ARHGAP26: variants seen among roughly 807,000 people sequenced by gnomAD.
The protein encoded by ARHGAP26 is rho GTPase-activating protein 26.
Under a neutral mutation model 104.8 loss-of-function variants are expected in ARHGAP26, and 38 were observed. That is an observed-to-expected ratio of 0.36 (90% CI 0.28 to 0.48). The LOEUF (loss-of-function observed/expected upper bound fraction) is 0.48. ARHGAP26 is among the 20% of genes least tolerant of loss of function. ARHGAP26 has a pLI of 0.99. For synonymous variants in ARHGAP26, 341 were observed against 340.0 expected (o/e 1.00, Z -0.03); for missense variants, 704 against 947.9 (o/e 0.74, Z 3.38).
chr5:143,045,874 C>T (rs1784154163), intron 14 of ARHGAP26, among the ~76,000 whole-genome samples: 1 of 152,166 alleles, frequency 6.6e-6, no homozygotes, highest in African/African-American at 2.4e-5. Context: ...TGGCTCACAC[C>T]TGTAATCCCA....
At chr5:142,861,956 T>C (rs1753432442) in intron 1 of ARHGAP26, among the ~76,000 whole-genome samples, 1 of 152,208 alleles carries the variant, frequency 6.6e-6, no homozygotes, top group Non-Finnish European at 1.5e-5. Flanking sequence ...TAGCTGTTGG[T>C]AGGAACAGTG....
intron 1 of ARHGAP26, among the ~76,000 whole-genome samples, chr5:142,856,381 C>G (rs191256334): frequency 6.6e-6 from 1 of 152,312 alleles, no homozygotes; most frequent in African/African-American, 2.4e-5. Context: ...CTTGGAAGAT[C>G]GCTGTTTGGC....
At chr5:143,087,234 G>A (rs141741560) in intron 17 of ARHGAP26, among the ~76,000 whole-genome samples, 1 of 152,326 alleles carries the variant, frequency 6.6e-6, no homozygotes, top group East Asian at 1.9e-4. Context: ...TTAAGGTGTT[G>A]TAAGCCTCCC....
chr5:142,914,709 G>T (rs576735236), intron 10 of ARHGAP26, among the ~76,000 whole-genome samples: 1 of 152,294 alleles, frequency 6.6e-6, no homozygotes, highest in South Asian at 2.1e-4. Context: ...GGGGTCGGAG[G>T]ATAGCTTGAA....
At chr5:142,778,668 G>T (rs1756855121) in intron 1 of ARHGAP26, among the ~76,000 whole-genome samples, 1 of 152,202 alleles carries the variant, frequency 6.6e-6, no homozygotes, top group Non-Finnish European at 1.5e-5. Flanking sequence ...AAGGCGTGCT[G>T]CAGTGATTAT....
At chr5:143,189,515 G>A (rs578106717) in intron 20 of ARHGAP26, among the ~76,000 whole-genome samples, 1 of 152,118 alleles carries the variant, frequency 6.6e-6, no homozygotes, top group African/African-American at 2.4e-5. Flanking sequence ...ATCTTCTTTG[G>A]TTGTTTACGA....
At chr5:142,862,484 A>T (rs1345845553) in intron 1 of ARHGAP26, among the ~76,000 whole-genome samples, 1 of 152,232 alleles carries the variant, frequency 6.6e-6, no homozygotes, top group African/African-American at 2.4e-5. Flanking sequence ...ATATTTCTGC[A>T]GACTTTTCTG....
intron 11 of ARHGAP26, among the ~76,000 whole-genome samples, chr5:142,999,685 C>T (rs1776921749): frequency 6.6e-6 from 1 of 151,906 alleles, no homozygotes; most frequent in Non-Finnish European, 1.5e-5. Context: ...CAGAAGAAAA[C>T]ATAGGACAAA....
At position 142,792,968 on chromosome 5, in the gene ARHGAP26, G is replaced by A. The variant is rs376293738; in HGVS notation, c.154+22053G>A. Among the ~76,000 whole-genome samples, 5 of 152,356 alleles carry A rather than the reference G, an allele frequency of 3.3e-5. No individual in the cohort carries two copies. In the East Asian group the frequency reaches 5.8e-4, roughly 18 times the overall value. ...AACTGATGTTCATCGAAGGCAGAAA[G>A]GTTGGAGGAACTTTGGCCAGTGTGG... On this transcript the variant is annotated intron_variant, in intron 1 of 22. Coordinates refer to ENST00000645722, the MANE Select transcript of ARHGAP26 (RefSeq NM_001135608.3).
chr5:142,793,274 T>TTA (rs796096753), intron 1 of ARHGAP26, among the ~76,000 whole-genome samples: 7 of 147,332 alleles, frequency 4.8e-5, no homozygotes, highest in African/African-American at 1.5e-4. Context: ...TTTTTTTTTT[T>TTA]AATCTATCTT....
At chr5:142,773,962 A>G (rs1237258385) in intron 1 of ARHGAP26, among the ~76,000 whole-genome samples, 1 of 152,220 alleles carries the variant, frequency 6.6e-6, no homozygotes, top group Non-Finnish European at 1.5e-5. Flanking sequence ...GTTAGAATTA[A>G]ACGTGGGCAT....
chr5:143,171,600 T>G (rs897705097), intron 20 of ARHGAP26, among the ~76,000 whole-genome samples: 4 of 152,228 alleles, frequency 2.6e-5, no homozygotes, highest in Non-Finnish European at 4.4e-5. Flanking sequence ...AAACTTTAAA[T>G]ATGTTGCCAG....
chr5:142,992,757 C>T (rs1775806972), intron 11 of ARHGAP26, among the ~76,000 whole-genome samples: 1 of 152,118 alleles, frequency 6.6e-6, no homozygotes, highest in African/African-American at 2.4e-5. Context: ...ATAGGGTATG[C>T]AAAGATCAGC....
chr5:142,820,687 G>A (rs1278340756), intron 1 of ARHGAP26, among the ~76,000 whole-genome samples: 1 of 152,120 alleles, frequency 6.6e-6, no homozygotes, highest in Non-Finnish European at 1.5e-5. Context: ...CTTCCATTTA[G>A]AAAACAAAAG....
intron 14 of ARHGAP26, among the ~76,000 whole-genome samples, chr5:143,045,770 G>A (rs1380272495): frequency 6.6e-6 from 1 of 152,184 alleles, no homozygotes; most frequent in East Asian, 1.9e-4. Flanking sequence ...GGCCGAGGCA[G>A]GTGGATCACC....
intron 10 of ARHGAP26, among the ~76,000 whole-genome samples, chr5:142,920,063 T>A (rs906023157): frequency 1.3e-5 from 2 of 152,226 alleles, no homozygotes; most frequent in African/African-American, 4.8e-5. Context: ...TTGGGTGCTT[T>A]TGTATTACTT....
At chr5:143,003,388 T>G (rs1238673771) in intron 11 of ARHGAP26, among the ~76,000 whole-genome samples, 1 of 152,222 alleles carries the variant, frequency 6.6e-6, no homozygotes, top group African/African-American at 2.4e-5. Context: ...ATGACCTGCC[T>G]CTGACCTGCA....
At chr5:142,791,630 A>G (rs1224667578) in intron 1 of ARHGAP26, among the ~76,000 whole-genome samples, 1 of 152,154 alleles carries the variant, frequency 6.6e-6, no homozygotes, top group Non-Finnish European at 1.5e-5. Context: ...GATTTTGAAT[A>G]TTAGAGTATA....
chr5:143,114,006 C>T (rs1479955425), intron 17 of ARHGAP26, among the ~76,000 whole-genome samples: 5 of 152,206 alleles, frequency 3.3e-5, no homozygotes, highest in African/African-American at 1.2e-4. Flanking sequence ...GAGCCAATTA[C>T]TTACCTTCTC....
Sources: allele counts gnomAD v4.1 joint callset (sites outside exome capture counted in the v4.1 genomes callset), GRCh38; gene constraint gnomAD v4.1.1; transcripts MANE v1.5; gene names NCBI Gene and HGNC (gene_info 2026-07-23, HGNC 2026-07-21).